P3H4: variants seen among roughly 807,000 people sequenced by gnomAD.
P3H4 encodes endoplasmic reticulum protein SC65.
Under a neutral mutation model 52.9 loss-of-function variants are expected in P3H4, and 47 were observed. The observed-to-expected ratio is 0.89, with a 90% CI of 0.70 to 1.13. The LOEUF is 1.13. Among genes scored for constraint, P3H4 ranks in the 50% most tolerant of loss-of-function variants. The probability of loss-of-function intolerance (pLI) is 0.00; values close to 1 mark genes in which losing one functional copy is unlikely to be tolerated. For synonymous variants in P3H4, 256 were observed against 267.9 expected (o/e 0.96, Z 0.44); for missense variants, 585 against 611.0 (o/e 0.96, Z 0.45).
chr17:41,811,294 G>A lies in P3H4; in HGVS notation c.463-10C>T. On this transcript the variant is annotated splice_polypyrimidine_tract_variant and intron_variant, in intron 1 of 7. Transcript: ENST00000393928. This position sits in a 1 kb window ranked among gnomAD's most constrained non-coding sequence, Gnocchi z 4.8. ...TCTCCAGCCGGTTAGCCTGGTCGGG[G>A]GGTAGGGGGTGGGGGAGCGGGTCAG... The A allele has an allele frequency of 2.5e-6, 4 of 1,612,300 alleles. No homozygotes were observed. Among genetic ancestry groups the A allele is most frequent in the Non-Finnish European group, 3.4e-6 (4 of 1,179,908 alleles).
chr17:41,810,691 C>A (rs868982142), intron 3 of P3H4, 172 bp downstream of exon 3: 4 of 731,372 alleles, frequency 5.5e-6, no homozygotes, highest in African/African-American at 3.6e-5. Context: ...GATCCAGCCC[C>A]TTGGACACTC....
At chr17:41,809,916 T>C (rs2304493) in intron 3 of P3H4, 82 bp from the exon 4 acceptor site, 3 of 1,514,072 alleles carry the variant, frequency 2.0e-6, no homozygotes, top group Non-Finnish European at 1.8e-6. Context: ...CTAAATCCAA[T>C]CTCTGCCTAC....
chr17:41,802,407 G>A lies in P3H4; in HGVS notation c.*550C>T, dbSNP rs1441247549. 1 of 154,100 alleles carries A rather than the reference G, an allele frequency of 6.5e-6. No homozygotes were observed. The highest frequency in any genetic ancestry group is 1.4e-5 in the Non-Finnish European group (1 of 70,184). The allele number at this position is 154,100 out of a possible 1,614,324, so 9.5% of individuals were successfully genotyped here. On this transcript the variant is annotated 3_prime_UTR_variant, in exon 8 of 8. Transcript: ENST00000393928. ...TTCTCCTGCCTCAGCTACGATTACAGGTGTGTGCCACCATGCCTGGCTAAT... is the reference window on the plus strand; with the variant it reads ...TTCTCCTGCCTCAGCTACGATTACAAGTGTGTGCCACCATGCCTGGCTAAT...
chr17:41,811,800 G>A lies in P3H4; in HGVS notation c.116C>T (p.Ala39Val), dbSNP rs974130101. 1 of 1,535,154 alleles carries A rather than the reference G, an allele frequency of 6.5e-7. No homozygotes were observed. Among genetic ancestry groups the A allele is most frequent in the South Asian group, 1.2e-5 (1 of 83,182 alleles). The change falls in exon 1 of 8, where the codon GCG (alanine) becomes GTG (valine). Residue 39 changes from alanine to valine, a missense_variant. By Grantham distance (64) the Ala-to-Val change is moderately conservative (BLOSUM62 0). Coordinates refer to ENST00000393928, the MANE Select transcript of P3H4 (RefSeq NM_006455.3). This position sits in a 1 kb window ranked among gnomAD's most constrained non-coding sequence, Gnocchi z 4.8. ...PPEDLMPLAA[A>V]YGHALEQYEG... ...GTACTGCTCCAGAGCGTGCCCGTAC[G>A]CCGCGGCCAGCGGCATCAGGTCCTC...
At position 41,811,508 on chromosome 17, in the gene P3H4, C is replaced by T; in HGVS notation, c.408G>A (p.Leu136=). ...AGGGCAGGCGGCTCTGGAAGTCACG[C>T]AGCAGCTGCCGCGGCGGGTAGGGCA... The part of the protein sequence containing the change: ...FQVPYPPRQL[L]RDFQSRLPYQ... Residue 136 remains leucine, a synonymous_variant, in exon 1 of 8, where the codon CTG becomes CTA. Transcript: ENST00000393928. This position sits in a 1 kb window ranked among gnomAD's most constrained non-coding sequence, Gnocchi z 4.8. The T allele has an allele frequency of 5.0e-6, 8 of 1,611,792 alleles. No homozygotes were observed. Among genetic ancestry groups the T allele is most frequent in the Non-Finnish European group, 6.8e-6 (8 of 1,179,632 alleles).
intron 6 of P3H4, among the ~76,000 whole-genome samples, chr17:41,804,744 C>T (rs781925486): frequency 8.7e-5 from 13 of 150,140 alleles, no homozygotes; most frequent in Non-Finnish European, 7.4e-5. Context: ...CCGAGGCAAG[C>T]GGACCACTTG....
chr17:41,808,446 G>T (rs2047696900), intron 4 of P3H4, among the ~76,000 whole-genome samples: 1 of 152,150 alleles, frequency 6.6e-6, no homozygotes, highest in African/African-American at 2.4e-5. Flanking sequence ...GGAGTGCAGT[G>T]GTGTGATCTC....
intron 4 of P3H4, among the ~76,000 whole-genome samples, chr17:41,808,638 C>A (rs531350378): frequency 6.6e-6 from 1 of 152,338 alleles, no homozygotes; most frequent in South Asian, 2.1e-4. Context: ...ATCTGCCTGC[C>A]TGGGCCTCCC....
chr17:41,808,102 T>C, intron 4 of P3H4, 98 bp from the exon 5 acceptor site: 1 of 1,453,700 alleles, frequency 6.9e-7, no homozygotes, highest in South Asian at 1.4e-5. Flanking sequence ...CCCAGCCACC[T>C]CCCAGAATAC....
chr17:41,803,071 TC>T, intron 7 of P3H4, 92 bp from the exon 8 acceptor site: 1 of 1,505,294 alleles, frequency 6.6e-7, no homozygotes, highest in Non-Finnish European at 9.0e-7. Context: ...GGGGTGAGGC[TC>T]CCCCGGACAG....
rs782228852 is a variant in P3H4 at position 41,803,447 on chromosome 17, G to A, written c.1147-16C>T. ...CCAGCTCCATCTAGAGTAGCGCCAC[G>A]GTTGTGGGAGAAACCGGGTCACAGT... On this transcript the variant is annotated splice_polypyrimidine_tract_variant and intron_variant, in intron 6 of 7. Transcript: ENST00000393928. The A allele has an allele frequency of 9.3e-6, 15 of 1,611,860 alleles. No individual in the cohort carries two copies. In the African/African-American group the frequency reaches 9.4e-5, roughly 10 times the overall value.
chr17:41,803,462 C>A (rs199650058), intron 6 of P3H4, 31 bp from the exon 7 acceptor site: 1 of 1,609,394 alleles, frequency 6.2e-7, no homozygotes, highest in South Asian at 1.1e-5. Context: ...TGGGAGAAAC[C>A]GGGTCACAGT....
intron 3 of P3H4, among the ~76,000 whole-genome samples, chr17:41,810,498 G>A (rs577282860): frequency 3.4e-4 from 51 of 152,168 alleles, no homozygotes; most frequent in Non-Finnish European, 6.3e-4. Flanking sequence ...GCCCCTGCTC[G>A]AGGGACCCCA....
chr17:41,811,356 CTT>C lies in P3H4; in HGVS notation c.463-74_463-73del. 1 of 1,606,966 alleles carries C rather than the reference CTT, an allele frequency of 6.2e-7. No individual in the cohort carries two copies. Among genetic ancestry groups the C allele is most frequent in the South Asian group, 1.1e-5 (1 of 90,814 alleles). Reference sequence around the variant, plus strand: ...CTCGCGGCCCCGAGCGCACGGCGGGCTTCGTGCCTTGGGTGAAGATAACGCTC... The same window carrying C: ...CTCGCGGCCCCGAGCGCACGGCGGGCCGTGCCTTGGGTGAAGATAACGCTC... On this transcript the variant is annotated intron_variant, in intron 1 of 7. Transcript: ENST00000393928. This position sits in a 1 kb window ranked among gnomAD's most constrained non-coding sequence, Gnocchi z 4.8.
rs2047724331 is a variant in P3H4, at chr17:41,810,924, C to T, written c.726G>A (p.Leu242=). Reference sequence around the variant, plus strand: ...GCTCATGGGCCCCTTCACAGCCGGCCAGGCACCGGGCAAAGACTGCCAGGT... The same window carrying T: ...GCTCATGGGCCCCTTCACAGCCGGCTAGGCACCGGGCAAAGACTGCCAGGT... ...SEYLAVFARC[L]AGCEGAHEQV... Residue 242 remains leucine, a synonymous_variant, in exon 3 of 8, where the codon CTG becomes CTA. Coordinates refer to ENST00000393928, the MANE Select transcript of P3H4 (RefSeq NM_006455.3). The T allele has an allele frequency of 6.2e-7, 1 of 1,614,202 alleles. No homozygotes were observed. Among genetic ancestry groups the T allele is most frequent in the Non-Finnish European group, 8.5e-7 (1 of 1,180,036 alleles).
In P3H4 at chr17:41,807,882, C is replaced by T. The variant is rs782665602; in HGVS notation, c.1039G>A (p.Glu347Lys). 2 of 1,613,884 alleles carry T rather than the reference C, an allele frequency of 1.2e-6. No homozygotes were observed. Among genetic ancestry groups the T allele is most frequent in the African/African-American group, 1.3e-5 (1 of 74,934 alleles). Reference sequence around the variant, plus strand: ...ACCTCCCGGGGCTGGAAGTCCTCCTCTTCCAGGCCCCAGCGAGCCCGGTGG... The same window carrying T: ...ACCTCCCGGGGCTGGAAGTCCTCCTTTTCCAGGCCCCAGCGAGCCCGGTGG... ...RFHRARWGLE[E>K]EDFQPREEAM... The change falls in exon 5 of 8, where the codon GAG (glutamate) becomes AAG (lysine). Residue 347 changes from glutamate to lysine, a missense_variant. Physicochemically the swap from Glu to Lys is moderately conservative, Grantham distance 56. Transcript: ENST00000393928.
chr17:41,802,719 T>G lies in P3H4; in HGVS notation c.*238A>C. The G allele has an allele frequency of 2.1e-5, 9 of 432,082 alleles. No homozygotes were observed. Among genetic ancestry groups the G allele is most frequent in the Non-Finnish European group, 2.4e-5 (6 of 245,220 alleles). The allele number at this position is 432,082 out of a possible 1,614,324, so 26.8% of individuals were successfully genotyped here. A position where few individuals can be genotyped will look rare whatever the true frequency, so the allele number is the denominator to read the frequency against. ...GGCGCCTGCCACCACACCCGGCTAA[T>G]TTATGTATTTTAGTAGAGACGGAGG... On this transcript the variant is annotated 3_prime_UTR_variant, in exon 8 of 8. Transcript: ENST00000393928.
chr17:41,806,113 G>A lies in P3H4; in HGVS notation c.1146+683C>T, dbSNP rs572838284. Among the ~76,000 whole-genome samples, 291 of 152,074 alleles carry A rather than the reference G, an allele frequency of 1.9e-3. 2 individuals carry two copies. The highest frequency in any genetic ancestry group is 6.6e-3 in the African/African-American group (275 of 41,478). On this transcript the variant is annotated intron_variant, in intron 6 of 7. Transcript: ENST00000393928. ...GCACGCCTGTAATCCCAGCTACTCC[G>A]GAGGCTGAGGCAGGAGCATCGTGTG...
chr17:41,808,564 T>A (rs2047698267), intron 4 of P3H4, among the ~76,000 whole-genome samples: 1 of 152,118 alleles, frequency 6.6e-6, no homozygotes, highest in African/African-American at 2.4e-5. Flanking sequence ...ACTTTTTGTA[T>A]TTTTTGTAGA....
Sources: allele counts gnomAD v4.1 joint callset (sites outside exome capture counted in the v4.1 genomes callset), GRCh38; gene constraint gnomAD v4.1.1; non-coding constraint Gnocchi (gnomAD v3.1); transcripts MANE v1.5; gene names NCBI Gene and HGNC (gene_info 2026-07-23, HGNC 2026-07-21).